Variants in CCNYL1 observed in about 807,000 individuals in gnomAD.
CCNYL1 encodes the protein cyclin-Y-like protein 1.
A neutral mutation model predicts 44.2 loss-of-function variants in CCNYL1; 16 were observed. The ratio of observed to expected loss-of-function variants is 0.36; its 90% CI spans 0.25 to 0.55. The LOEUF is 0.55. Among genes scored for constraint, CCNYL1 ranks in the 20% least tolerant of loss-of-function variants. CCNYL1 has a pLI of 0.85. For missense variants in CCNYL1, 348 were observed against 451.8 expected, an observed-to-expected ratio of 0.77 and a Z score of 2.08; for synonymous variants, 159 against 163.2, an observed-to-expected ratio of 0.97 and a Z score of 0.20.
At chr2:207,729,785 G>A (rs1189752805) in intron 3 of CCNYL1, among the ~76,000 whole-genome samples, 1 of 151,890 alleles carries the variant, frequency 6.6e-6, no homozygotes, top group East Asian at 1.9e-4. Flanking sequence ...AGCGCCCTCT[G>A]CCAAGATGCA....
At chr2:207,720,504 G>A (rs185909893) in intron 1 of CCNYL1, among the ~76,000 whole-genome samples, 80 of 152,036 alleles carry the variant, frequency 5.3e-4, no homozygotes, top group Admixed American at 2.0e-3. Flanking sequence ...AAATCCCTGG[G>A]CTCAAGTTAT....
rs1381441039 is a variant in CCNYL1 at position 207,747,573 on chromosome 2, G to T, written c.806+360G>T. ...TTATTTTATTTTTTGTTTTGAGACGGAGTCTTGCTCGGTTGCCTAGGCTGG... is the reference window on the plus strand; with the variant it reads ...TTATTTTATTTTTTGTTTTGAGACGTAGTCTTGCTCGGTTGCCTAGGCTGG... On this transcript the variant is annotated intron_variant, in intron 8 of 9. Transcript: ENST00000295414. Among the ~76,000 whole-genome samples the T allele has an allele frequency of 3.3e-5, 5 of 152,132 alleles. No individual in the cohort carries two copies. The East Asian group carries it at 9.6e-4, about 29-fold the overall frequency.
intron 3 of CCNYL1, among the ~76,000 whole-genome samples, chr2:207,728,164 A>C (rs951177599): frequency 6.6e-6 from 1 of 151,420 alleles, no homozygotes; most frequent in Non-Finnish European, 1.5e-5. Flanking sequence ...GGGTTTCACC[A>C]TGTTGGCCAG....
At chr2:207,723,829 C>A (rs181121161) in intron 1 of CCNYL1, among the ~76,000 whole-genome samples, 1 of 142,862 alleles carries the variant, frequency 7.0e-6, no homozygotes, top group East Asian at 2.2e-4. Flanking sequence ...GAGCTGAGAC[C>A]GTGCCACTGC....
intron 1 of CCNYL1, among the ~76,000 whole-genome samples, chr2:207,717,388 G>A (rs751880680): frequency 6.6e-6 from 1 of 152,178 alleles, no homozygotes; most frequent in South Asian, 2.1e-4. Flanking sequence ...TGTTTATTGA[G>A]TACCTTTAGG....
chr2:207,712,042 A>C lies in CCNYL1; in HGVS notation c.146A>C (p.Glu49Ala). The change falls in exon 1 of 10, where the codon GAG becomes GCG. Residue 49 changes from glutamate to alanine, a missense_variant. By Grantham distance (107) the Glu-to-Ala change is moderately radical (BLOSUM62 -1). Coordinates refer to ENST00000295414, the MANE Select transcript of CCNYL1 (RefSeq NM_001330218.2). ...DAVAVAPAVV[E>A]PAELDFGEGE... ...GTGGCGGTAGCGCCCGCTGTGGTGG[A>C]GCCTGCCGAGTTGGATTTCGGAGAG... 6.5e-7 allele frequency: 1 copy of C among 1,542,198 alleles called. No homozygotes were observed. The highest frequency in any genetic ancestry group is 8.7e-7 in the Non-Finnish European group (1 of 1,145,698).
Position 207,755,830 on chromosome 2 carries a change from A to G in CCNYL1, c.*2132A>G, listed in dbSNP as rs2091927964. On this transcript the variant is annotated 3_prime_UTR_variant, in exon 10 of 10. Coordinates refer to ENST00000295414, the MANE Select transcript of CCNYL1 (RefSeq NM_001330218.2). ...TACTAAGAAGAGGTTAGTGTTCTCA[A>G]CTATGTGAAATCTGTTTCTCCTACT... The G allele has an allele frequency of 1.3e-5, 2 of 152,340 alleles. No individual in the cohort carries two copies. Among genetic ancestry groups the G allele is most frequent in the South Asian group, 2.1e-4 (1 of 4,830 alleles). 9.4% of individuals were successfully genotyped at this position (152,340 alleles called of 1,614,324 possible).
chr2:207,742,453 G>T, intron 7 of CCNYL1, 111 bp downstream of exon 7: 1 of 993,980 alleles, frequency 1.0e-6, no homozygotes, highest in Non-Finnish European at 1.4e-6. Context: ...AGAACTTTAA[G>T]AGAAACCTAT....
chr2:207,739,269 G>T (rs1035980481), intron 5 of CCNYL1, among the ~76,000 whole-genome samples: 1 of 151,896 alleles, frequency 6.6e-6, no homozygotes, highest in Non-Finnish European at 1.5e-5. Context: ...GTCTCACTCT[G>T]TTGCCCAGGC....
rs558941492 is a variant in CCNYL1 at position 207,755,135 on chromosome 2, C to T, written c.*1437C>T. On this transcript the variant is annotated 3_prime_UTR_variant, in exon 10 of 10. Coordinates refer to ENST00000295414, the MANE Select transcript of CCNYL1 (RefSeq NM_001330218.2). ...GATTCATGCCTGTAATCTCAGTACC[C>T]TGGGAGGCTGAGGTGGAAGGATTGC... The T allele has an allele frequency of 6.6e-6, 1 of 151,932 alleles. No homozygotes were observed. Among genetic ancestry groups the T allele is most frequent in the African/African-American group, 2.4e-5 (1 of 41,410 alleles). The allele number at this position is 151,932 out of a possible 1,614,324, so 9.4% of individuals were successfully genotyped here.
At chr2:207,724,909 G>A (rs2091668694) in intron 2 of CCNYL1, 35 bp downstream of exon 2, 1 of 1,478,642 alleles carries the variant, frequency 6.8e-7, no homozygotes, top group Non-Finnish European at 9.3e-7. Context: ...CCAAGGAAAA[G>A]ACTGAAAACT....
intron 7 of CCNYL1, 101 bp from the exon 8 acceptor site, chr2:207,746,946 G>C (rs2105839813): frequency 1.0e-6 from 1 of 957,484 alleles, no homozygotes; most frequent in Non-Finnish European, 1.6e-6. Flanking sequence ...TTGCACTACA[G>C]CCTGGGCAAC....
At chr2:207,733,856 C>T (rs2091746395) in intron 3 of CCNYL1, 91 bp from the exon 4 acceptor site, 3 of 780,124 alleles carry the variant, frequency 3.8e-6, no homozygotes, top group Admixed American at 2.1e-5. Context: ...TATCTTAATG[C>T]TTTATCATTT....
chr2:207,743,774 C>T (rs1269671226), intron 7 of CCNYL1, among the ~76,000 whole-genome samples: 1 of 152,148 alleles, frequency 6.6e-6, no homozygotes, highest in Non-Finnish European at 1.5e-5. Context: ...TGTAAATATT[C>T]ACTGGGTGCC....
In CCNYL1 at chr2:207,740,674, G is replaced by T. The variant is rs762548634; in HGVS notation, c.487G>T (p.Asp163Tyr). The part of the protein sequence containing the change: ...IKNRDANRSL[D>Y]IFDERSHPLT... Reference sequence around the variant, plus strand: ...TTATAGAGATGCAAATAGATCCCTGGATATTTTTGATGAGAGATCACATCC... The same window carrying T: ...TTATAGAGATGCAAATAGATCCCTGTATATTTTTGATGAGAGATCACATCC... Residue 163 changes from aspartate (D) to tyrosine (Y), a missense_variant, in exon 6 of 10, where the codon GAT becomes TAT. Transcript: ENST00000295414. The T allele has an allele frequency of 5.0e-6, 8 of 1,600,772 alleles. No individual in the cohort carries two copies. The highest frequency in any genetic ancestry group is 6.0e-6 in the Non-Finnish European group (7 of 1,168,948).
Position 207,720,558 on chromosome 2 carries a change from G to A in CCNYL1, c.221-4242G>A, listed in dbSNP as rs140539646. Among the ~76,000 whole-genome samples, 19 of 152,144 alleles carry A rather than the reference G, an allele frequency of 1.2e-4. No individual in the cohort carries two copies. In the East Asian group the frequency reaches 3.5e-3, roughly 28 times the overall value. ...CAAATAGCTGGAACTACAGGCATGT[G>A]CCTCCACACCCAACTAATCTTTTAA... On this transcript the variant is annotated intron_variant, in intron 1 of 9. Transcript: ENST00000295414.
chr2:207,727,439 C>T (rs542177630), intron 3 of CCNYL1, among the ~76,000 whole-genome samples: 4 of 152,246 alleles, frequency 2.6e-5, no homozygotes, highest in East Asian at 3.9e-4. Flanking sequence ...GAAATCTGGG[C>T]GTGTCTGCAC....
intron 3 of CCNYL1, among the ~76,000 whole-genome samples, chr2:207,728,055 C>T (rs767807578): frequency 6.6e-6 from 1 of 151,950 alleles, no homozygotes; most frequent in East Asian, 1.9e-4. Flanking sequence ...CCTCTGCCTC[C>T]CGGGTTCAAG....
At chr2:207,744,161 A>T (rs540428516) in intron 7 of CCNYL1, among the ~76,000 whole-genome samples, 1 of 152,320 alleles carries the variant, frequency 6.6e-6, no homozygotes, top group African/African-American at 2.4e-5. Flanking sequence ...ACCTGATCAA[A>T]GCAAGAAGGT....
Sources: gnomAD v4.1 joint callset for allele counts (sites outside exome capture counted in the v4.1 genomes callset) on GRCh38, gnomAD v4.1.1 for gene constraint, MANE v1.5 for transcripts, NCBI Gene and HGNC (gene_info 2026-07-23, HGNC 2026-07-21) for gene names.